The following PLEC variants were observed in gnomAD, a reference collection of about 807,000 sequenced individuals.
PLEC encodes plectin.
In PLEC, 216 loss-of-function variants were observed where a neutral mutation model predicts 392.8. The ratio of observed to expected loss-of-function variants is 0.55; its 90% CI spans 0.49 to 0.62. PLEC has a LOEUF of 0.62. Ranked by LOEUF, PLEC falls within the 20% of genes least tolerant of loss-of-function variation. The pLI is 0.00. For synonymous variants in PLEC, 3,621 were observed against 2,980.6 expected, an observed-to-expected ratio of 1.21 and a Z score of -7.00; for missense variants, 6,863 against 6,563.4, an observed-to-expected ratio of 1.05 and a Z score of -1.58.
intron 10 of PLEC, 40 bp downstream of exon 10, chr8:143,934,595 G>T (rs377397870): frequency 1.6e-5 from 25 of 1,603,468 alleles, no homozygotes; most frequent in African/African-American, 2.7e-5. Flanking sequence ...GGCCTGGGGC[G>T]TTCCAGGACA....
rs1228434504 is a variant in PLEC at position 143,922,001 on chromosome 8, G to C, written c.7820C>G (p.Ala2607Gly). The C allele has an allele frequency of 3.8e-6, 6 of 1,598,158 alleles. No individual in the cohort carries two copies. Among genetic ancestry groups the C allele is most frequent in the Non-Finnish European group, 5.1e-6 (6 of 1,179,622 alleles). Residue 2607 changes from alanine to glycine, a missense_variant, in exon 32 of 32, where the codon GCC (alanine) becomes GGC (glycine). Ala to Gly is a moderately conservative substitution (Grantham distance 60). Coordinates refer to ENST00000345136, the MANE Select transcript of PLEC (RefSeq NM_201384.3). Reference sequence around the variant, plus strand: ...GACCTCCTCTGAGTGCGCCAGCGCGGCCCGGTGCTGCTCCTCCAGGAGCTG... The same window carrying C: ...GACCTCCTCTGAGTGCGCCAGCGCGCCCCGGTGCTGCTCCTCCAGGAGCTG... Reference protein sequence around the residue: ...QLQLLEEQHRAALAHSEEVTA... With the variant: ...QLQLLEEQHRGALAHSEEVTA...
chr8:143,927,255 G>A lies in PLEC; in HGVS notation c.3837C>T (p.Ile1279=). The A allele has an allele frequency of 6.2e-7, 1 of 1,612,994 alleles. No individual in the cohort carries two copies. The highest frequency in any genetic ancestry group is 8.5e-7 in the Non-Finnish European group (1 of 1,179,708). The part of the protein sequence containing the change: ...QRFAKQYINA[I]KDYELQLVTY... Reference sequence around the variant, plus strand: ...GGTGCAGGCGGCTGGGCCTCACCTTGATGGCGTTGATGTACTGTTTCGCAA... The same window carrying A: ...GGTGCAGGCGGCTGGGCCTCACCTTAATGGCGTTGATGTACTGTTTCGCAA... Residue 1279 remains isoleucine (I), a synonymous_variant, in exon 28 of 32, where the codon ATC becomes ATT. Transcript: ENST00000345136.
Position 143,925,145 on chromosome 8 carries a change from G to T in PLEC, c.4784C>A (p.Ser1595Tyr), listed in dbSNP as rs1206944270. The T allele has an allele frequency of 7.1e-6, 11 of 1,558,092 alleles. No individual in the cohort carries two copies. The highest frequency in any genetic ancestry group is 7.8e-6 in the Non-Finnish European group (9 of 1,160,074). ...FAEKTAQLER[S>Y]LQEEHVAVAQ... ...CACAGCCACGTGTTCCTCCTGCAGGGAGCGCTCCAGCTGTGCCGTCTTCTC... is the reference window on the plus strand; with the variant it reads ...CACAGCCACGTGTTCCTCCTGCAGGTAGCGCTCCAGCTGTGCCGTCTTCTC... The change falls in exon 31 of 32, where the codon TCC (serine) becomes TAC (tyrosine). Residue 1595 changes from serine to tyrosine, a missense_variant. Physicochemically the swap from Ser to Tyr is moderately radical, Grantham distance 144 (BLOSUM62 -2). Coordinates refer to ENST00000345136, the MANE Select transcript of PLEC (RefSeq NM_201384.3).
chr8:143,950,366 G>C, exon 1 of PLEC: 1 of 1,591,740 alleles, frequency 6.3e-7, no homozygotes. Flanking sequence ...CTGCACGTGG[G>C]GGGTGCGGCG....
At position 143,920,582 on chromosome 8, in the gene PLEC, T is replaced by C. The variant is rs200069306; in HGVS notation, c.9239A>G (p.Glu3080Gly). ...PATSARLTVD[E>G]AVRAGLVGPE... ...GCCCACCAGGCCAGCACGCACTGCC[T>C]CGTCCACGGTCAGCCGGGCGCTGGT... is the stretch of plus-strand genomic sequence containing the variant. Residue 3080 changes from glutamate to glycine, a missense_variant, in exon 32 of 32, where the codon GAG becomes GGG. Coordinates refer to ENST00000345136, the MANE Select transcript of PLEC (RefSeq NM_201384.3). The C allele has an allele frequency of 5.2e-5, 84 of 1,610,496 alleles. No individual in the cohort carries two copies. In the African/African-American group the frequency reaches 1.0e-3, roughly 19 times the overall value.
chr8:143,932,611 C>T (rs566006301), intron 15 of PLEC, 24 bp downstream of exon 15: 3 of 1,611,810 alleles, frequency 1.9e-6, no homozygotes, highest in Admixed American at 1.7e-5. Context: ...CCCACCTCCC[C>T]CGGCTGGCCC....
rs782351441 is a variant in PLEC at position 143,923,945 on chromosome 8, G to T, written c.5984C>A (p.Ala1995Glu). The change falls in exon 31 of 32, where the codon GCG becomes GAG. Residue 1995 changes from alanine (A) to glutamate (E), a missense_variant. Coordinates refer to ENST00000345136, the MANE Select transcript of PLEC (RefSeq NM_201384.3). ...EAEERVQKSL[A>E]AEEEAARQRK... ...CTGCCGTGCGGCCTCCTCCTCGGCC[G>T]CCAGGCTCTTCTGCACGCGCTCCTC... 6.3e-7 allele frequency: 1 copy of T among 1,592,712 alleles called. No individual in the cohort carries two copies. Among genetic ancestry groups the T allele is most frequent in the Admixed American group, 1.7e-5 (1 of 59,596 alleles).
chr8:143,922,618 C>T lies in PLEC; in HGVS notation c.7311G>A (p.Gln2437=), dbSNP rs1454413335. 3.7e-6 allele frequency: 6 copies of T among 1,613,576 alleles called. No individual in the cohort carries two copies. The highest frequency in any genetic ancestry group is 5.1e-6 in the Non-Finnish European group (6 of 1,179,998). The change falls in exon 31 of 32, where the codon CAG becomes CAA. Residue 2437 remains glutamine (Q), a synonymous_variant. Transcript: ENST00000345136. ...KVTLVQTLEI[Q]RQQSDHDAER... ...CGGCATCATGGTCACTCTGCTGTCG[C>T]TGGATCTCCAGTGTCTGCACCAGGG... is the stretch of plus-strand genomic sequence containing the variant.
intron 16 of PLEC, 78 bp from the exon 17 acceptor site, chr8:143,932,312 G>A (rs1468728997): frequency 3.1e-6 from 5 of 1,606,014 alleles, no homozygotes; most frequent in Admixed American, 1.7e-5. Flanking sequence ...TCGACCCAGG[G>A]CCCCCACTGG....
chr8:143,927,943 C>A lies in PLEC; in HGVS notation c.3310G>T (p.Val1104Leu). The A allele has an allele frequency of 6.2e-7, 1 of 1,600,418 alleles. No individual in the cohort carries two copies. Among genetic ancestry groups the A allele is most frequent in the Non-Finnish European group, 8.5e-7 (1 of 1,172,424 alleles). Reference protein sequence around the residue: ...VIRGTQGAEEVLRAHEEQLKE... With the variant: ...VIRGTQGAEELLRAHEEQLKE... Reference sequence around the variant, plus strand: ...AGCTGCTCCTCGTGGGCCCTGAGCACCTCCTCGGCCCCCTGCGTGCCGCGG... The same window carrying A: ...AGCTGCTCCTCGTGGGCCCTGAGCAACTCCTCGGCCCCCTGCGTGCCGCGG... Residue 1104 changes from valine to leucine, a missense_variant, in exon 26 of 32, where the codon GTG becomes TTG. Val to Leu is a conservative substitution (Grantham distance 32). Transcript: ENST00000345136.
Position 143,917,179 on chromosome 8 carries a change from G to T in PLEC, c.12642C>A (p.Ile4214=), listed in dbSNP as rs111227648. 1.2e-6 allele frequency: 2 copies of T among 1,612,246 alleles called. No homozygotes were observed. Among genetic ancestry groups the T allele is most frequent in the African/African-American group, 2.7e-5 (2 of 74,928 alleles). Residue 4214 remains isoleucine (I), a synonymous_variant, in exon 32 of 32, where the codon ATC becomes ATA. Transcript: ENST00000345136. ...GGTACTGGTCCAGTGCCGAGCGGTC[G>T]ATGAGGTTCTTGGCGATGGCATCAT... ...DIDDAIAKNL[I]DRSALDQYRA...
chr8:143,937,553 T>G (rs1587199111), intron 3 of PLEC: 1 of 496,706 alleles, frequency 2.0e-6, no homozygotes, highest in African/African-American at 1.9e-5. Context: ...TGCCTGGCGG[T>G]GGCAGCCACA....
rs1554697929 is a variant in PLEC at position 143,924,533 on chromosome 8, A to T, written c.5396T>A (p.Leu1799Gln). ...ACGCAGGCGGGCGGCCTCCTCGGCC[A>T]GCTCGCGGAACCGGCCGGCCTCGGC... ...LEAEAGRFRE[L>Q]AEEAARLRAL... The change falls in exon 31 of 32, where the codon CTG becomes CAG. Residue 1799 changes from leucine to glutamine, a missense_variant. By Grantham distance (113) the Leu-to-Gln change is moderately radical. Transcript: ENST00000345136. 1 of 1,538,270 alleles carries T rather than the reference A, an allele frequency of 6.5e-7. No individual in the cohort carries two copies. The highest frequency in any genetic ancestry group is 8.7e-7 in the Non-Finnish European group (1 of 1,148,980).
At position 143,923,743 on chromosome 8, in the gene PLEC, C is replaced by T. The variant is rs1413914837; in HGVS notation, c.6186G>A (p.Glu2062=). ...KAHAFAVQQK[E]QELQQTLQQE... ...GCTGCAGCGTCTGCTGTAGCTCCTG[C>T]TCCTTCTGCTGCACCGCGAAGGCGT... Residue 2062 remains glutamate, a synonymous_variant, in exon 31 of 32, where the codon GAG becomes GAA. Transcript: ENST00000345136. 4 of 1,549,122 alleles carry T rather than the reference C, an allele frequency of 2.6e-6. No homozygotes were observed. Among genetic ancestry groups the T allele is most frequent in the Admixed American group, 3.8e-5 (2 of 52,962 alleles).
At position 143,950,677 on chromosome 8, in the gene PLEC, G is replaced by C. The variant is rs527237157; in HGVS notation, c.30C>G (p.Asp10Glu). 5.1e-5 allele frequency: 80 copies of C among 1,574,872 alleles called. 1 individual carries two copies. In the South Asian group the frequency reaches 8.5e-4, roughly 17 times the overall value. ...GCACCTCATAGATGGCCCGCAGCTG[G>C]TCCCGTGGCATGAGCATGCCGGCCA... is the stretch of plus-strand genomic sequence containing the variant. Residue 10 changes from aspartate (D) to glutamate (E), a missense_variant, in exon 1 of 32, where the codon GAC becomes GAG. By Grantham distance (45) the Asp-to-Glu change is conservative (BLOSUM62 2). Coordinates refer to the PLEC transcript ENST00000322810.
At chr8:143,976,479 C>T (rs937944750), upstream of PLEC, among the ~76,000 whole-genome samples, 1 of 152,166 alleles carries the variant, frequency 6.6e-6, no homozygotes, top group Non-Finnish European at 1.5e-5. Context: ...CTGCGGTCAG[C>T]CGCGCCTCCC....
chr8:143,931,670 G>C lies in PLEC; in HGVS notation c.2179-11C>G. 1 of 1,596,062 alleles carries C rather than the reference G, an allele frequency of 6.3e-7. No individual in the cohort carries two copies. Among genetic ancestry groups the C allele is most frequent in the Non-Finnish European group, 8.5e-7 (1 of 1,171,982 alleles). On this transcript the variant is annotated splice_polypyrimidine_tract_variant and intron_variant, in intron 18 of 31. Transcript: ENST00000345136. ...CACATCTGAGAAGAACTGGGGCAGCGGGAGGGGGTCACGCCAGGCTACCTG... is the reference window on the plus strand; with the variant it reads ...CACATCTGAGAAGAACTGGGGCAGCCGGAGGGGGTCACGCCAGGCTACCTG...
upstream of PLEC, among the ~76,000 whole-genome samples, chr8:143,974,790 G>A (rs940120466): frequency 6.6e-6 from 1 of 152,250 alleles, no homozygotes; most frequent in Non-Finnish European, 1.5e-5. The surrounding 1 kb of genome is among the most constrained non-coding windows in gnomAD (Gnocchi z 5.9). Flanking sequence ...CTCAGGAAGA[G>A]GCTGGGGCTC....
Position 143,925,628 on chromosome 8 carries a change from T to G in PLEC, c.4301A>C (p.Gln1434Pro). 1.6e-5 allele frequency: 26 copies of G among 1,583,440 alleles called. No individual in the cohort carries two copies. Among genetic ancestry groups the G allele is most frequent in the Non-Finnish European group, 2.2e-5 (26 of 1,172,172 alleles). The change falls in exon 31 of 32, where the codon CAG becomes CCG. Residue 1434 changes from glutamine (Q) to proline (P), a missense_variant. By Grantham distance (76) the Gln-to-Pro change is moderately conservative. Coordinates refer to ENST00000345136, the MANE Select transcript of PLEC (RefSeq NM_201384.3). ...CGCCTCTGCCTGCCGGGCCTTGGCC[T>G]GGATCTCCGCCTCCGAGCTCTGCCG... Reference protein sequence around the residue: ...QLRQSSEAEIQAKARQAEAAE... With the variant: ...QLRQSSEAEIPAKARQAEAAE...
Sources: allele counts gnomAD v4.1 joint callset (sites outside exome capture counted in the v4.1 genomes callset), GRCh38; gene constraint gnomAD v4.1.1; non-coding constraint Gnocchi (gnomAD v3.1); transcripts MANE v1.5; gene names NCBI Gene and HGNC (gene_info 2026-07-23, HGNC 2026-07-21).